Variants in IL37 observed in about 807,000 individuals in gnomAD.
The protein encoded by IL37 is interleukin 37.
Under a neutral mutation model 15.4 loss-of-function variants are expected in IL37, and 15 were observed. That is an observed-to-expected ratio of 0.98 (90% confidence interval 0.65 to 1.50). IL37 has a LOEUF of 1.50. Among genes scored for constraint, IL37 ranks in the 40% most tolerant of loss-of-function variants. The probability of loss-of-function intolerance (pLI) is 0.00; values close to 1 mark genes in which losing one functional copy is unlikely to be tolerated. For missense variants in IL37, 269 were observed against 261.7 expected (o/e 1.03, Z -0.19); for synonymous variants, 98 against 97.4 (o/e 1.01, Z -0.03).
Position 112,913,024 on chromosome 2 carries a change from G to C in IL37, c.12G>C (p.Val4=), listed in dbSNP as rs149643819. 1.7e-5 allele frequency: 27 copies of C among 1,583,578 alleles called. No homozygotes were observed. The highest frequency in any genetic ancestry group is 1.1e-4 in the African/African-American group (8 of 72,546). Residue 4 remains valine, a synonymous_variant, in exon 2 of 6, where the codon GTG becomes GTC. Coordinates refer to ENST00000263326, the MANE Select transcript of IL37 (RefSeq NM_014439.4). MSF[V]GENSGVKMGS... is the part of the protein sequence containing the mutation. ...ACTCAACGTTGAAAATGTCCTTTGT[G>C]GGGGAGAACTCAGGAGTGAAAATGG... is the stretch of plus-strand genomic sequence containing the variant.
chr2:112,913,799 T>C lies in IL37; in HGVS notation c.90T>C (p.Ala30=). 1.2e-6 allele frequency: 2 copies of C among 1,613,688 alleles called. No homozygotes were observed. Among genetic ancestry groups the C allele is most frequent in the Non-Finnish European group, 1.7e-6 (2 of 1,179,614 alleles). ...CACTGCGTCTGACTGCAGACCCGGCTGGAAGCCCCCTGGAACCAGGCCCAA... is the reference window on the plus strand; with the variant it reads ...CACTGCGTCTGACTGCAGACCCGGCCGGAAGCCCCCTGGAACCAGGCCCAA... ...DEPQCCLEDP[A]GSPLEPGPSL... The change falls in exon 3 of 6, where the codon GCT becomes GCC. Residue 30 remains alanine, a synonymous_variant. Transcript: ENST00000263326.
rs1384106006 is a variant in IL37 at position 112,917,710 on chromosome 2, C to T, written c.341C>T (p.Ser114Phe). 6.2e-7 allele frequency: 1 copy of T among 1,613,934 alleles called. No individual in the cohort carries two copies. The highest frequency in any genetic ancestry group is 8.5e-7 in the Non-Finnish European group (1 of 1,179,926). The change falls in exon 5 of 6, where the codon TCT (serine) becomes TTT (phenylalanine). Residue 114 changes from serine (S) to phenylalanine (F), a missense_variant. Physicochemically the swap from Ser to Phe is radical, Grantham distance 155. Transcript: ENST00000263326. ...GGAAGTCCGATTCTCCTGGGGGTCTCTAAAGGGGAGTTTTGTCTCTACTGT... is the reference window on the plus strand; with the variant it reads ...GGAAGTCCGATTCTCCTGGGGGTCTTTAAAGGGGAGTTTTGTCTCTACTGT... Reference protein sequence around the residue: ...EKGSPILLGVSKGEFCLYCDK... With the variant: ...EKGSPILLGVFKGEFCLYCDK...
intron 3 of IL37, chr2:112,915,272 A>G (rs774672300): frequency 2.5e-6 from 4 of 1,609,188 alleles, no homozygotes; most frequent in Admixed American, 3.3e-5. Context: ...ACAAAGTAAA[A>G]TGATGGTGCT....
chr2:112,912,927 A>G, intron 1 of IL37, 36 bp from the exon 2 acceptor site: 1 of 938,508 alleles, frequency 1.1e-6, no homozygotes, highest in Non-Finnish European at 1.6e-6. Context: ...CTGGGGTGAG[A>G]AGATGCCATA....
Position 112,917,645 on chromosome 2 carries a change from T to G in IL37, c.276T>G (p.Phe92Leu). The G allele has an allele frequency of 1.3e-6, 2 of 1,572,010 alleles. No homozygotes were observed. The highest frequency in any genetic ancestry group is 1.7e-6 in the Non-Finnish European group (2 of 1,161,218). Residue 92 changes from phenylalanine to leucine, a missense_variant, in exon 5 of 6, where the codon TTT becomes TTG. Coordinates refer to ENST00000263326, the MANE Select transcript of IL37 (RefSeq NM_014439.4). ...DKNYIRPEIF[F>L]ALASSLSSAS... ...ACTGTCTTTTTCCAGAGATCTTCTTTGCATTAGCCTCATCCTTGAGCTCAG... is the reference window on the plus strand; with the variant it reads ...ACTGTCTTTTTCCAGAGATCTTCTTGGCATTAGCCTCATCCTTGAGCTCAG...
chr2:112,915,820 G>A (rs1408862242), intron 3 of IL37, among the ~76,000 whole-genome samples: 1 of 152,206 alleles, frequency 6.6e-6, no homozygotes, highest in Non-Finnish European at 1.5e-5. Flanking sequence ...GCACTACAGG[G>A]TGGGAGGTGG....
At chr2:112,918,452 T>C (rs1683373629) in intron 5 of IL37, 109 bp from the exon 6 acceptor site, 2 of 1,277,960 alleles carry the variant, frequency 1.6e-6, no homozygotes, top group Non-Finnish European at 2.2e-6. Flanking sequence ...CCATCTGCCT[T>C]CTCTCTTTTC....
intron 3 of IL37, among the ~76,000 whole-genome samples, chr2:112,916,593 T>C (rs1417426623): frequency 6.6e-6 from 1 of 152,124 alleles, no homozygotes; most frequent in Non-Finnish European, 1.5e-5. Flanking sequence ...CTCCCAACTC[T>C]TCCATCACCG....
In IL37 at chr2:112,917,663, G is replaced by A; in HGVS notation, c.294G>A (p.Leu98=). Reference sequence around the variant, plus strand: ...TCTTCTTTGCATTAGCCTCATCCTTGAGCTCAGCCTCTGCGGAGAAAGGAA... The same window carrying A: ...TCTTCTTTGCATTAGCCTCATCCTTAAGCTCAGCCTCTGCGGAGAAAGGAA... ...PEIFFALASS[L]SSASAEKGSP... Residue 98 remains leucine (L), a synonymous_variant, in exon 5 of 6, where the codon TTG becomes TTA. Coordinates refer to ENST00000263326, the MANE Select transcript of IL37 (RefSeq NM_014439.4). The A allele has an allele frequency of 6.2e-7, 1 of 1,602,616 alleles. No homozygotes were observed. Among genetic ancestry groups the A allele is most frequent in the Non-Finnish European group, 8.5e-7 (1 of 1,175,364 alleles).
intron 3 of IL37, among the ~76,000 whole-genome samples, chr2:112,914,392 T>C (rs1159437427): frequency 6.6e-6 from 1 of 152,036 alleles, no homozygotes; most frequent in African/African-American, 2.4e-5. Context: ...AAGTGACAGA[T>C]GTGGAAATTT....
chr2:112,914,739 G>A (rs564145254), intron 3 of IL37, among the ~76,000 whole-genome samples: 11 of 152,202 alleles, frequency 7.2e-5, no homozygotes, highest in Admixed American at 7.2e-4. Context: ...TCTCTGTCGG[G>A]CCTGTCCTGA....
chr2:112,917,739 A>G lies in IL37; in HGVS notation c.370A>G (p.Lys124Glu). Residue 124 changes from lysine to glutamate, a missense_variant, in exon 5 of 6, where the codon AAG becomes GAG. Physicochemically the swap from Lys to Glu is moderately conservative, Grantham distance 56. Transcript: ENST00000263326. ...SKGEFCLYCDKDKGQSHPSLQ... is the reference protein window; with the variant it reads ...SKGEFCLYCDEDKGQSHPSLQ... ...AGGGGAGTTTTGTCTCTACTGTGAC[A>G]AGGATAAAGGACAAAGTCATCCATC... The G allele has an allele frequency of 6.2e-7, 1 of 1,614,160 alleles. No homozygotes were observed. The highest frequency in any genetic ancestry group is 1.7e-4 in the Middle Eastern group (1 of 6,050).
chr2:112,915,362 C>A, intron 3 of IL37: 2 of 971,392 alleles, frequency 2.1e-6, no homozygotes, highest in South Asian at 1.5e-5. Flanking sequence ...GTGTGAGGCC[C>A]AGGTATCCAT....
chr2:112,914,687 T>C (rs1683258351), intron 3 of IL37, among the ~76,000 whole-genome samples: 1 of 152,228 alleles, frequency 6.6e-6, no homozygotes, highest in Non-Finnish European at 1.5e-5. Flanking sequence ...TGGCTTTGGA[T>C]CTGCACTGTG....
At chr2:112,912,658 G>C (rs1393647601) in intron 1 of IL37, among the ~76,000 whole-genome samples, 2 of 152,222 alleles carry the variant, frequency 1.3e-5, no homozygotes, top group African/African-American at 4.8e-5. Context: ...AAAGGCCATA[G>C]TGTGCCAGCC....
At chr2:112,915,126 G>C in intron 3 of IL37, 1 of 1,471,390 alleles carries the variant, frequency 6.8e-7, no homozygotes, top group Non-Finnish European at 9.5e-7. Flanking sequence ...TTGGGGTCAA[G>C]GATCATGAGC....
chr2:112,913,808 C>G lies in IL37; in HGVS notation c.99C>G (p.Pro33=), dbSNP rs1350812080. Residue 33 remains proline (P), a synonymous_variant, in exon 3 of 6, where the codon CCC becomes CCG. Transcript: ENST00000263326. The part of the protein sequence containing the change: ...QCCLEDPAGS[P]LEPGPSLPTM... ...TGACTGCAGACCCGGCTGGAAGCCCCCTGGAACCAGGCCCAAGCCTCCCCA... is the reference window on the plus strand; with the variant it reads ...TGACTGCAGACCCGGCTGGAAGCCCGCTGGAACCAGGCCCAAGCCTCCCCA... 1 of 1,613,788 alleles carries G rather than the reference C, an allele frequency of 6.2e-7. No individual in the cohort carries two copies. The highest frequency in any genetic ancestry group is 8.5e-7 in the Non-Finnish European group (1 of 1,179,674).
intron 1 of IL37, among the ~76,000 whole-genome samples, 94 bp downstream of exon 1, chr2:112,911,342 CA>C (rs1683174019): frequency 6.6e-6 from 1 of 152,180 alleles, no homozygotes; most frequent in Non-Finnish European, 1.5e-5. Flanking sequence ...TTTTTATCCC[CA>C]CTGGAAGCAC....
At chr2:112,912,639 G>C (rs758862974) in intron 1 of IL37, among the ~76,000 whole-genome samples, 1 of 152,222 alleles carries the variant, frequency 6.6e-6, no homozygotes, top group Non-Finnish European at 1.5e-5. Context: ...TCAGGGACCG[G>C]ATTTGGCCAA....
Sources: allele counts gnomAD v4.1 joint callset (sites outside exome capture counted in the v4.1 genomes callset), GRCh38; gene constraint gnomAD v4.1.1; transcripts MANE v1.5; gene names NCBI Gene and HGNC (gene_info 2026-07-23, HGNC 2026-07-21).